DNMBP: variants seen among roughly 807,000 people sequenced by gnomAD.
DNMBP encodes dynamin binding protein.
DNMBP carries 87 observed loss-of-function variants against 150.0 expected under a neutral mutation model. The ratio of observed to expected loss-of-function variants is 0.58; its 90% CI spans 0.49 to 0.69. The LOEUF (loss-of-function observed/expected upper bound fraction) is 0.69. Ranked by LOEUF, DNMBP falls within the 30% of genes least tolerant of loss-of-function variation. The pLI is 0.00. For synonymous variants in DNMBP, 711 were observed against 750.4 expected (o/e 0.95, Z 0.86); for missense variants, 1,774 against 1,949.0 (o/e 0.91, Z 1.69).
chr10:99,930,701 G>A, intron 4 of DNMBP: 1 of 698,408 alleles, frequency 1.4e-6, no homozygotes, highest in Non-Finnish European at 2.6e-6. Context: ...ACTCCCAGCT[G>A]GAGTCCCAGT....
At chr10:99,930,167 T>G (rs1489822066) in intron 4 of DNMBP, 1 of 703,014 alleles carries the variant, frequency 1.4e-6, no homozygotes, top group South Asian at 1.5e-5. Context: ...TGCTGTGTTC[T>G]CTACAATAAA....
chr10:99,920,845 A>AT (rs915026409), intron 4 of DNMBP, among the ~76,000 whole-genome samples: 2 of 152,008 alleles, frequency 1.3e-5, no homozygotes, highest in African/African-American at 4.8e-5. Context: ...ACGCCCAGTT[A>AT]TTTTTTTAAT....
rs187345712 is a variant in DNMBP at position 99,941,132 on chromosome 10, G to A, written c.2260+14082C>T. Among the ~76,000 whole-genome samples the A allele has an allele frequency of 6.7e-3, 1,019 of 152,196 alleles. 11 individuals are homozygous for A. Among genetic ancestry groups the A allele is most frequent in the African/African-American group, 0.023 (968 of 41,530 alleles). On this transcript the variant is annotated intron_variant, in intron 4 of 16. Transcript: ENST00000324109. ...ACTCCTGACCTCAAGTGCTCCGCCC[G>A]CCTCGGCTTCCCAAAGTGCTGGGAT...
At chr10:99,989,983 A>G (rs2040868390) in intron 1 of DNMBP, among the ~76,000 whole-genome samples, 1 of 152,158 alleles carries the variant, frequency 6.6e-6, no homozygotes, top group East Asian at 1.9e-4. Flanking sequence ...CTTTTTGTCT[A>G]TTTTATTCAC....
intron 13 of DNMBP, 70 bp downstream of exon 13, chr10:99,886,230 C>T: frequency 7.6e-7 from 1 of 1,315,672 alleles, no homozygotes; most frequent in Non-Finnish European, 1.1e-6. Context: ...AACCATGCTA[C>T]CATTTTTCCC....
chr10:99,889,101 G>C, intron 11 of DNMBP, 148 bp from the exon 12 acceptor site: 1 of 886,060 alleles, frequency 1.1e-6, no homozygotes, highest in Admixed American at 3.0e-5. Context: ...TTTGAAATAA[G>C]CATATTTTCA....
At position 99,895,001 on chromosome 10, in the gene DNMBP, T is replaced by A. The variant is rs1257376715; in HGVS notation, c.3101A>T (p.Glu1034Val). ...TCGGATAAAAGACTTAATCAATCTT[T>A]CTTGCATTCGGAAGTTTTTTTCTGT... ...EETEKNFRMQ[E>V]RLIKSFIRDL... Residue 1034 changes from glutamate (E) to valine (V), a missense_variant, in exon 11 of 17, where the codon GAA (glutamate) becomes GTA (valine). Physicochemically the swap from Glu to Val is moderately radical, Grantham distance 121. This residue lies in a region of DNMBP where 1,430 missense variants were observed against 1,492.5 expected (regional missense o/e 0.96). Transcript: ENST00000324109. 2 of 1,614,076 alleles carry A rather than the reference T, an allele frequency of 1.2e-6. No individual in the cohort carries two copies. Among genetic ancestry groups the A allele is most frequent in the Non-Finnish European group, 1.7e-6 (2 of 1,179,960 alleles).
chr10:99,952,087 T>C (rs1589435435), intron 4 of DNMBP, among the ~76,000 whole-genome samples: 2 of 152,046 alleles, frequency 1.3e-5, no homozygotes, highest in East Asian at 1.9e-4. Flanking sequence ...TTTTGAAAAA[T>C]GGGAGTCTCC....
chr10:99,883,918 G>GTTT, intron 15 of DNMBP, 93 bp downstream of exon 15: 4 of 1,127,060 alleles, frequency 3.5e-6, no homozygotes, highest in South Asian at 1.4e-5. Flanking sequence ...GATACTTTTT[G>GTTT]CTTTTTTTTC....
intron 4 of DNMBP, among the ~76,000 whole-genome samples, chr10:99,950,324 T>C (rs1476749015): frequency 6.6e-6 from 1 of 152,204 alleles, no homozygotes; most frequent in East Asian, 1.9e-4. Context: ...GTCTTGGGTA[T>C]GTCTTTATCA....
chr10:99,915,715 AAAAAG>A (rs1295763380), intron 4 of DNMBP, among the ~76,000 whole-genome samples: 1 of 152,154 alleles, frequency 6.6e-6, no homozygotes, highest in African/African-American at 2.4e-5. Flanking sequence ...ACCCTGTGTC[AAAAAG>A]AAAAGAAAAC....
At chr10:99,952,668 C>G (rs567229143) in intron 4 of DNMBP, among the ~76,000 whole-genome samples, 1 of 152,336 alleles carries the variant, frequency 6.6e-6, no homozygotes, top group East Asian at 1.9e-4. Context: ...TGCCCACATG[C>G]ATAATAGTCC....
chr10:99,883,868 G>T, intron 15 of DNMBP, 143 bp downstream of exon 15: 1 of 708,298 alleles, frequency 1.4e-6, no homozygotes, highest in Non-Finnish European at 2.3e-6. Flanking sequence ...TCTAGAGAAG[G>T]TTAAGGTTAT....
chr10:99,925,646 C>T (rs1031384024), intron 4 of DNMBP, among the ~76,000 whole-genome samples: 8 of 152,124 alleles, frequency 5.3e-5, no homozygotes, highest in Non-Finnish European at 1.2e-4. Context: ...AACTCCTGAC[C>T]TCAAGTGATC....
At chr10:99,981,839 C>T (rs1021735216) in intron 1 of DNMBP, among the ~76,000 whole-genome samples, 3 of 152,174 alleles carry the variant, frequency 2.0e-5, no homozygotes, top group African/African-American at 7.2e-5. Flanking sequence ...CCCTGGCTCT[C>T]TCCCTGCTGG....
intron 1 of DNMBP, among the ~76,000 whole-genome samples, chr10:99,985,045 A>G (rs2040815934): frequency 6.6e-6 from 1 of 152,174 alleles, no homozygotes. Flanking sequence ...GCCTGGCCTC[A>G]ACCTATTTTA....
intron 1 of DNMBP, among the ~76,000 whole-genome samples, chr10:99,992,519 T>C (rs2040906479): frequency 1.3e-5 from 2 of 149,918 alleles, no homozygotes; most frequent in African/African-American, 2.5e-5. Flanking sequence ...ATTGCCTGAA[T>C]CTAGGAGTTT....
intron 14 of DNMBP, among the ~76,000 whole-genome samples, 191 bp from the exon 15 acceptor site, chr10:99,884,400 G>C (rs1397424670): frequency 1.3e-5 from 2 of 152,104 alleles, no homozygotes; most frequent in African/African-American, 4.8e-5. Flanking sequence ...CTTAGGCAAT[G>C]TTTGATGCCT....
Position 99,885,738 on chromosome 10 carries a change from A to C in DNMBP, c.3747T>G (p.Phe1249Leu). 1 of 1,595,424 alleles carries C rather than the reference A, an allele frequency of 6.3e-7. No homozygotes were observed. The highest frequency in any genetic ancestry group is 8.6e-7 in the Non-Finnish European group (1 of 1,169,318). ...PESLPATKKP[F>L]ERKTIDRQSA... The stretch of plus-strand genomic sequence containing the variant: ...ACTGGCGGTCAATGGTTTTCCTCTC[A>C]AATGGCTTCTTGGTAGCTGGAAGAG... Residue 1249 changes from phenylalanine to leucine, a missense_variant, in exon 14 of 17, where the codon TTT (phenylalanine) becomes TTG (leucine). Phe to Leu is a conservative substitution (Grantham distance 22). Coordinates refer to ENST00000324109, the MANE Select transcript of DNMBP (RefSeq NM_015221.4).
Sources: allele counts gnomAD v4.1 joint callset (sites outside exome capture counted in the v4.1 genomes callset), GRCh38; gene constraint gnomAD v4.1.1; regional missense constraint gnomAD v4.1.1; transcripts MANE v1.5; gene names NCBI Gene and HGNC (gene_info 2026-07-23, HGNC 2026-07-21).